Variants in MATR3 observed in about 807,000 individuals in gnomAD.
MATR3 encodes matrin-3.
In MATR3, 4 loss-of-function variants were observed where a neutral mutation model predicts 85.5. That is an observed-to-expected ratio of 0.05 (90% CI 0.02 to 0.11). The LOEUF is 0.11. MATR3 is among the 10% of genes least tolerant of loss of function. The pLI is 1.00. For synonymous variants in MATR3, 336 were observed against 343.1 expected, an observed-to-expected ratio of 0.98 and a Z score of 0.23; for missense variants, 685 against 1,016.1, an observed-to-expected ratio of 0.67 and a Z score of 4.43.
chr5:139,324,294 T>G (rs1418338428), intron 12 of MATR3, among the ~76,000 whole-genome samples: 2 of 145,258 alleles, frequency 1.4e-5, no homozygotes, highest in African/African-American at 2.6e-5. Context: ...ATGATTGTTT[T>G]TTTTTTTTTT....
At chr5:139,313,443 G>A (rs985532943) in intron 2 of MATR3, 1 of 151,148 alleles carries the variant, frequency 6.6e-6, no homozygotes, top group Non-Finnish European at 1.5e-5. Flanking sequence ...TTGTCCCAGT[G>A]AATTTAAATA....
rs1371325133 is a variant in MATR3 at position 139,281,356 on chromosome 5, G to GTT, written c.-178+2243_-178+2244dup. ...TGGCCTCGAAGTAGTTTTTTTTTTT[G>GTT]TTTTTTTTTTTTTTTTTGCTCTGTT... is the stretch of plus-strand genomic sequence containing the variant. On this transcript the variant is annotated intron_variant, in intron 3 of 16. Coordinates refer to ENST00000509990, the Ensembl canonical transcript of MATR3. Among the ~76,000 whole-genome samples the GTT allele has an allele frequency of 8.3e-3, 842 of 101,044 alleles. 14 individuals carry two copies. The highest frequency in any genetic ancestry group is 0.011 in the Non-Finnish European group (546 of 49,882). 66.3% of individuals were successfully genotyped at this position (101,044 alleles called of 152,430 possible). A position where few individuals can be genotyped will look rare whatever the true frequency, so the allele number is the denominator to read the frequency against.
chr5:139,317,570 C>T (rs771916144), intron 6 of MATR3, 26 bp from the exon 7 acceptor site: 1 of 1,611,074 alleles, frequency 6.2e-7, no homozygotes, highest in South Asian at 1.1e-5. Flanking sequence ...GACTTAATTG[C>T]TTGGTTTTTT....
At chr5:139,315,899 T>C (rs1474442887) in intron 4 of MATR3, 161 bp downstream of exon 4, 2 of 753,912 alleles carry the variant, frequency 2.7e-6, no homozygotes, top group African/African-American at 3.5e-5. Flanking sequence ...GAATATATAT[T>C]ATGTAGTAAT....
upstream of MATR3, chr5:139,291,904 T>TGACCA (rs1160607025): frequency 6.6e-6 from 1 of 150,926 alleles, no homozygotes; most frequent in Non-Finnish European, 1.5e-5. Context: ...AAGACTCCAC[T>TGACCA]GACCAGCTTT....
rs1034744034 is a variant in MATR3, at chr5:139,318,720, C to G, written c.1309-188C>G. ...TCGGCCTCCCGAAGTGTTGGGATTA[C>G]AGGCATGAGATACTGGGCCCAGCCT... On this transcript the variant is annotated intron_variant, in intron 7 of 14. Coordinates refer to ENST00000394805, the MANE Select transcript of MATR3 (RefSeq NM_018834.6). Among the ~76,000 whole-genome samples, 2 of 152,328 alleles carry G rather than the reference C, an allele frequency of 1.3e-5. 1 individual carries two copies. Among genetic ancestry groups the G allele is most frequent in the Middle Eastern group, 6.8e-3 (2 of 294 alleles).
chr5:139,317,114 T>C lies in MATR3; in HGVS notation c.1182+9T>C, dbSNP rs1483370926. The C allele has an allele frequency of 6.3e-7, 1 of 1,589,558 alleles. No homozygotes were observed. Among genetic ancestry groups the C allele is most frequent in the Non-Finnish European group, 8.6e-7 (1 of 1,159,710 alleles). On this transcript the variant is annotated intron_variant, in intron 6 of 14. Coordinates refer to ENST00000394805, the MANE Select transcript of MATR3 (RefSeq NM_018834.6). ...TGCAGAAAGGCAGAGTGGTCAGTAA[T>C]GAAGCTTTTGGTTTTACTGTATTTA...
intron 3 of MATR3, among the ~76,000 whole-genome samples, chr5:139,286,866 G>A (rs939467846): frequency 9.9e-5 from 15 of 151,582 alleles, no homozygotes; most frequent in African/African-American, 3.4e-4. Flanking sequence ...AAGGAATAAT[G>A]GTAATTAAAA....
intron 12 of MATR3, among the ~76,000 whole-genome samples, chr5:139,323,699 T>TC (rs1229727601): frequency 6.6e-6 from 1 of 151,992 alleles, no homozygotes; most frequent in African/African-American, 2.4e-5. Context: ...GGCCAGGAGT[T>TC]CAAGACCAAC....
intron 10 of MATR3, 130 bp downstream of exon 10, chr5:139,322,159 A>G (rs1247431864): frequency 3.4e-6 from 4 of 1,161,104 alleles, no homozygotes; most frequent in Non-Finnish European, 5.0e-6. Flanking sequence ...AGTTATTGAA[A>G]GAGAACAACC....
At chr5:139,309,199 A>T (rs1010984390) in intron 2 of MATR3, among the ~76,000 whole-genome samples, 5 of 152,140 alleles carry the variant, frequency 3.3e-5, no homozygotes, top group Non-Finnish European at 7.4e-5. Context: ...CAACTTTTTC[A>T]GTGTTACTCA....
intron 12 of MATR3, among the ~76,000 whole-genome samples, chr5:139,324,186 T>TAAATGAGGA (rs1755720681): frequency 6.6e-6 from 1 of 151,652 alleles, no homozygotes; most frequent in Admixed American, 6.6e-5. Context: ...CTCCAGTCCA[T>TAAATGAGGA]AAATGAGGAA....
At chr5:139,315,418 G>T in intron 3 of MATR3, 1 of 362,658 alleles carries the variant, frequency 2.8e-6, no homozygotes, top group Non-Finnish European at 5.1e-6. Flanking sequence ...TCTTTGTGCG[G>T]CACTTCCTCC....
intron 12 of MATR3, among the ~76,000 whole-genome samples, chr5:139,323,241 G>A (rs911913427): frequency 6.6e-6 from 1 of 152,054 alleles, no homozygotes; most frequent in African/African-American, 2.4e-5. Flanking sequence ...CTGTATTGTA[G>A]TGGTGTAGTG....
upstream of MATR3, among the ~76,000 whole-genome samples, chr5:139,288,827 A>G (rs1753787708): frequency 6.6e-6 from 1 of 152,066 alleles, no homozygotes; most frequent in South Asian, 2.1e-4. Context: ...TATTTTTAGT[A>G]GAGACAGGGT....
At chr5:139,328,117 C>T (rs1452915592) in intron 14 of MATR3, among the ~76,000 whole-genome samples, 1 of 151,794 alleles carries the variant, frequency 6.6e-6, no homozygotes, top group African/African-American at 2.4e-5. Flanking sequence ...CTGCCTCAGC[C>T]TCCCAAAGTG....
In MATR3 at chr5:139,316,156, G is replaced by T. The variant is rs2151985044; in HGVS notation, c.1097G>T (p.Gly366Val). The T allele has an allele frequency of 6.2e-7, 1 of 1,613,792 alleles. No individual in the cohort carries two copies. Among genetic ancestry groups the T allele is most frequent in the Non-Finnish European group, 8.5e-7 (1 of 1,179,858 alleles). Residue 366 changes from glycine to valine, a missense_variant, in exon 5 of 15, where the codon GGG (glycine) becomes GTG (valine). Coordinates refer to ENST00000394805, the MANE Select transcript of MATR3 (RefSeq NM_018834.6). Reference protein sequence around the residue: ...LGPPPPSFHLGGPAVGPRGNL... With the variant: ...LGPPPPSFHLVGPAVGPRGNL... Reference sequence around the variant, plus strand: ...CCTCCACCTCCCTCATTTCATCTTGGGGGACCAGCAGTTGGACCAAGAGGA... The same window carrying T: ...CCTCCACCTCCCTCATTTCATCTTGTGGGACCAGCAGTTGGACCAAGAGGA...
intron 1 of MATR3, among the ~76,000 whole-genome samples, chr5:139,296,958 TAA>T (rs1754187246): frequency 6.6e-6 from 1 of 152,214 alleles, no homozygotes; most frequent in Admixed American, 6.5e-5. Flanking sequence ...TCATCTGAGG[TAA>T]AGAGTTCTGA....
chr5:139,302,056 A>C (rs1190458762), intron 1 of MATR3, among the ~76,000 whole-genome samples: 1 of 152,234 alleles, frequency 6.6e-6, no homozygotes, highest in Admixed American at 6.5e-5. Context: ...CTTGTATTTC[A>C]GCCTTCCTGG....
Sources: gnomAD v4.1 joint callset for allele counts (sites outside exome capture counted in the v4.1 genomes callset) on GRCh38, gnomAD v4.1.1 for gene constraint, MANE v1.5 for transcripts, NCBI Gene and HGNC (gene_info 2026-07-23, HGNC 2026-07-21) for gene names.